TPST2: variants seen among roughly 807,000 people sequenced by gnomAD.
TPST2 encodes protein-tyrosine sulfotransferase 2.
In TPST2, 16 loss-of-function variants were observed where a neutral mutation model predicts 27.8. The ratio of observed to expected loss-of-function variants is 0.58; its 90% CI spans 0.39 to 0.88. The LOEUF (loss-of-function observed/expected upper bound fraction) is 0.88, where lower values mean the gene tolerates loss of function less well. Among genes scored for constraint, TPST2 ranks in the 40% least tolerant of loss-of-function variants. TPST2 has a pLI of 0.00. For missense variants in TPST2, 464 were observed against 543.1 expected (o/e 0.85, Z 1.45); for synonymous variants, 229 against 231.7 (o/e 0.99, Z 0.10).
At chr22:26,587,743 T>C (rs1022457346) in intron 1 of TPST2, among the ~76,000 whole-genome samples, 1 of 152,100 alleles carries the variant, frequency 6.6e-6, no homozygotes, top group Non-Finnish European at 1.5e-5. Flanking sequence ...CCTCATACAC[T>C]GGTGGTAGGA....
chr22:26,548,002 C>T (rs959048029), intron 1 of TPST2, among the ~76,000 whole-genome samples: 1 of 152,186 alleles, frequency 6.6e-6, no homozygotes, highest in Non-Finnish European at 1.5e-5. Flanking sequence ...GTTCAACATT[C>T]TGCTGCACCA....
intron 4 of TPST2, among the ~76,000 whole-genome samples, chr22:26,533,436 T>C (rs1201580649): frequency 1.3e-5 from 2 of 151,444 alleles, no homozygotes; most frequent in East Asian, 1.9e-4. Context: ...AGTGAATAAA[T>C]AAAAATAAAA....
intron 1 of TPST2, among the ~76,000 whole-genome samples, chr22:26,557,488 G>A (rs1252976843): frequency 6.6e-6 from 1 of 152,214 alleles, no homozygotes; most frequent in Non-Finnish European, 1.5e-5. Flanking sequence ...CAATAACTGT[G>A]AGTCCCATCT....
chr22:26,587,091 C>T (rs1928375719), intron 1 of TPST2, among the ~76,000 whole-genome samples: 1 of 152,134 alleles, frequency 6.6e-6, no homozygotes, highest in Non-Finnish European at 1.5e-5. Context: ...GTGGGGGGTT[C>T]CAGATAGGGT....
intron 1 of TPST2, among the ~76,000 whole-genome samples, chr22:26,572,237 C>T (rs938804992): frequency 6.6e-6 from 1 of 152,152 alleles, no homozygotes; most frequent in Non-Finnish European, 1.5e-5. Flanking sequence ...TTGACCCAAT[C>T]TAGGTCAATG....
At position 26,540,795 on chromosome 22, in the gene TPST2, A is replaced by T; in HGVS notation, c.836T>A (p.Leu279Gln). The T allele has an allele frequency of 6.3e-7, 1 of 1,585,154 alleles. No homozygotes were observed. Among genetic ancestry groups the T allele is most frequent in the Non-Finnish European group, 8.6e-7 (1 of 1,162,284 alleles). ...CATCAGGGGCTCCACTCACTTGGACAGGGAGACACCACCGGGCTTGCCAAT... is the reference window on the plus strand; with the variant it reads ...CATCAGGGGCTCCACTCACTTGGACTGGGAGACACCACCGGGCTTGCCAAT... ...DLIGKPGGVS[L>Q]SKIERSTDQV... The change falls in exon 3 of 7, where the codon CTG becomes CAG. Residue 279 changes from leucine (L) to glutamine (Q), a missense_variant. Leu to Gln is a moderately radical substitution (Grantham distance 113, BLOSUM62 -2). Transcript: ENST00000338754.
At chr22:26,575,356 T>C (rs1310305945) in intron 1 of TPST2, among the ~76,000 whole-genome samples, 1 of 152,142 alleles carries the variant, frequency 6.6e-6, no homozygotes, top group African/African-American at 2.4e-5. Context: ...CTTCCCCTTT[T>C]GCCTCCTCTC....
At chr22:26,545,573 G>A (rs1161318891) in intron 1 of TPST2, among the ~76,000 whole-genome samples, 3 of 152,132 alleles carry the variant, frequency 2.0e-5, no homozygotes, top group Non-Finnish European at 4.4e-5. Context: ...GACAACTGAG[G>A]CCCACAAGGA....
chr22:26,575,212 C>T (rs1167608258), intron 1 of TPST2, among the ~76,000 whole-genome samples: 1 of 152,112 alleles, frequency 6.6e-6, no homozygotes, highest in East Asian at 1.9e-4. Context: ...TGAATTTGCA[C>T]CTAGGAAGTC....
At position 26,528,269 on chromosome 22, in the gene TPST2, A is replaced by G. The variant is rs1424888131; in HGVS notation, c.1093-7T>C. The G allele has an allele frequency of 6.4e-7, 1 of 1,561,020 alleles. No individual in the cohort carries two copies. The highest frequency in any genetic ancestry group is 8.7e-7 in the Non-Finnish European group (1 of 1,150,998). On this transcript the variant is annotated splice_polypyrimidine_tract_variant and splice_region_variant and intron_variant, in intron 5 of 6. Coordinates refer to ENST00000338754, the MANE Select transcript of TPST2 (RefSeq NM_003595.5). ...AGGTGCTGTTCTGGTTCACCTGGAG[A>G]AAGACAATACACAGAAGAAGGGGTC...
At chr22:26,579,049 G>A (rs887527345) in intron 1 of TPST2, among the ~76,000 whole-genome samples, 2 of 151,942 alleles carry the variant, frequency 1.3e-5, no homozygotes, top group East Asian at 1.9e-4. Flanking sequence ...ACAGGGTTTC[G>A]CCATGTTGCT....
intron 1 of TPST2, among the ~76,000 whole-genome samples, chr22:26,583,436 C>CA (rs775047318): frequency 0.084 from 5,298 of 63,390 alleles, 310 homozygotes; most frequent in African/African-American, 0.17. Flanking sequence ...AACTCCATCT[C>CA]AAAAAAAAAA....
At chr22:26,553,916 A>G (rs1355874439) in intron 1 of TPST2, among the ~76,000 whole-genome samples, 2 of 152,208 alleles carry the variant, frequency 1.3e-5, no homozygotes, top group African/African-American at 4.8e-5. Flanking sequence ...CATGTTCAGT[A>G]CAGATGCAAC....
chr22:26,545,345 C>G (rs1170466606), intron 1 of TPST2, among the ~76,000 whole-genome samples: 1 of 152,220 alleles, frequency 6.6e-6, no homozygotes, highest in Non-Finnish European at 1.5e-5. Context: ...CCATCCAGAT[C>G]TGTAAGACCT....
chr22:26,576,819 G>A lies in TPST2; in HGVS notation c.-161+13234C>T, dbSNP rs181209496. On this transcript the variant is annotated intron_variant, in intron 1 of 6. Coordinates refer to ENST00000338754, the MANE Select transcript of TPST2 (RefSeq NM_003595.5). ...GACCCTGTCTCTAAAAAAAAAGGCC[G>A]GGCGCGGTGGCTCACACCTGTAATC... 1.7e-4 allele frequency among the ~76,000 whole-genome samples: 26 copies of A among 151,822 alleles called. 1 individual carries two copies. Among genetic ancestry groups the A allele is most frequent in the Admixed American group, 4.6e-4 (7 of 15,230 alleles).
At chr22:26,575,095 T>C (rs1602300420) in intron 1 of TPST2, among the ~76,000 whole-genome samples, 1 of 152,272 alleles carries the variant, frequency 6.6e-6, no homozygotes, top group Non-Finnish European at 1.5e-5. Context: ...GAATCTAGGT[T>C]TGACTCCCGC....
chr22:26,544,925 A>G (rs1183766190), intron 1 of TPST2, among the ~76,000 whole-genome samples: 1 of 152,176 alleles, frequency 6.6e-6, no homozygotes, highest in African/African-American at 2.4e-5. Context: ...GTCTGAGCTA[A>G]GGCGCCGCTG....
rs531230031 is a variant in TPST2, at chr22:26,579,555, A to G, written c.-161+10498T>C. 6.6e-5 allele frequency among the ~76,000 whole-genome samples: 10 copies of G among 152,268 alleles called. No individual in the cohort carries two copies. The South Asian group carries it at 1.7e-3, about 25-fold the overall frequency. On this transcript the variant is annotated intron_variant, in intron 1 of 6. Transcript: ENST00000338754. ...GTCTTCCACCTGGGAAGTAGCTACT[A>G]CCACTTTCTCACACCTCCAAAGGTT...
chr22:26,541,236 A>G lies in TPST2; in HGVS notation c.395T>C (p.Val132Ala). The G allele has an allele frequency of 6.4e-7, 1 of 1,552,468 alleles. No homozygotes were observed. ...GAAGGCCTGCATGGCGGCGTCCAGC[A>G]CCTCATCCGTCACCCCCGCCTCATC... ...RLDEAGVTDEVLDAAMQAFIL... is the reference protein window; with the variant it reads ...RLDEAGVTDEALDAAMQAFIL... The change falls in exon 3 of 7, where the codon GTG (valine) becomes GCG (alanine). Residue 132 changes from valine to alanine, a missense_variant. Val to Ala is a moderately conservative substitution (Grantham distance 64). Transcript: ENST00000338754. The surrounding 1 kb of genome is among the most constrained non-coding windows in gnomAD (Gnocchi z 5.9).
Sources: gnomAD v4.1 joint callset for allele counts (sites outside exome capture counted in the v4.1 genomes callset) on GRCh38, gnomAD v4.1.1 for gene constraint, Gnocchi (gnomAD v3.1) non-coding constraint, MANE v1.5 for transcripts, NCBI Gene and HGNC (gene_info 2026-07-23, HGNC 2026-07-21) for gene names.